Variants in ACOXL observed in about 807,000 individuals in gnomAD.
ACOXL encodes acyl-CoA oxidase like.
A neutral mutation model predicts 71.9 loss-of-function variants in ACOXL; 70 were observed. The ratio of observed to expected loss-of-function variants is 0.97; its 90% CI spans 0.80 to 1.19. The LOEUF is 1.19. Ranked by LOEUF, ACOXL falls within the 50% of genes most tolerant of loss-of-function variation. The pLI is 0.00. For synonymous variants in ACOXL, 253 were observed against 281.6 expected (o/e 0.90, Z 1.02); for missense variants, 703 against 736.3 (o/e 0.95, Z 0.52).
In ACOXL at chr2:110,769,650, TAAAAC is replaced by T. The variant is rs367968739; in HGVS notation, c.75+1216_75+1220del. Among the ~76,000 whole-genome samples the T allele has an allele frequency of 5.6e-3, 853 of 151,490 alleles. 1 individual carries two copies. The highest frequency in any genetic ancestry group is 0.031 in the Middle Eastern group (9 of 294). Reference sequence around the variant, plus strand: ...CAACATGGTGAAACACTGTTTCTACTAAAACAAAACAAAACAAAACAAAACAAAAC... The same window carrying T: ...CAACATGGTGAAACACTGTTTCTACTAAAACAAAACAAAACAAAACAAAAC... On this transcript the variant is annotated intron_variant, in intron 2 of 17. Transcript: ENST00000439055.
At position 111,092,746 on chromosome 2, in the gene ACOXL, T is replaced by A. The variant is rs987827803; in HGVS notation, c.1441-119T>A. On this transcript the variant is annotated intron_variant, in intron 16 of 17. Coordinates refer to ENST00000439055, the MANE Select transcript of ACOXL (RefSeq NM_001142807.4). Reference sequence around the variant, plus strand: ...ATGGCCATTTTACATTAGGAAAGTATTAACTTTTACGATTTTATGAAATGT... The same window carrying A: ...ATGGCCATTTTACATTAGGAAAGTAATAACTTTTACGATTTTATGAAATGT... 4.2e-6 allele frequency: 3 copies of A among 722,452 alleles called. No homozygotes were observed. The African/African-American group carries it at 5.3e-5, about 13-fold the overall frequency. 44.8% of individuals were successfully genotyped at this position (722,452 alleles called of 1,614,324 possible).
chr2:110,927,643 A>G (rs2060323705), intron 11 of ACOXL, among the ~76,000 whole-genome samples: 1 of 152,206 alleles, frequency 6.6e-6, no homozygotes, highest in South Asian at 2.1e-4. Context: ...GCCTGGGCCC[A>G]TCTTGTCATT....
chr2:110,734,931 A>G lies in ACOXL; in HGVS notation c.-23+2157A>G, dbSNP rs112271170. Among the ~76,000 whole-genome samples, 174 of 152,236 alleles carry G rather than the reference A, an allele frequency of 1.1e-3. 1 individual carries two copies. Among genetic ancestry groups the G allele is most frequent in the African/African-American group, 4.1e-3 (170 of 41,538 alleles). Reference sequence around the variant, plus strand: ...CATCTACAGAATGCAGATAATATCAATGCTGCTGTGTTATGAAGCTTGAAT... The same window carrying G: ...CATCTACAGAATGCAGATAATATCAGTGCTGCTGTGTTATGAAGCTTGAAT... On this transcript the variant is annotated intron_variant, in intron 1 of 17. Coordinates refer to ENST00000439055, the MANE Select transcript of ACOXL (RefSeq NM_001142807.4).
intron 16 of ACOXL, among the ~76,000 whole-genome samples, chr2:111,091,397 A>T (rs1409896055): frequency 6.6e-6 from 1 of 152,202 alleles, no homozygotes; most frequent in Admixed American, 6.5e-5. Context: ...AAGAACTCTT[A>T]TACTTCTAGA....
At chr2:110,931,110 C>G (rs61323984) in intron 11 of ACOXL, among the ~76,000 whole-genome samples, 6 of 152,180 alleles carry the variant, frequency 3.9e-5, no homozygotes, top group African/African-American at 1.4e-4. Flanking sequence ...TTTTGGGCCA[C>G]GATGAGTTTC....
chr2:111,092,850 TC>T lies in ACOXL; in HGVS notation c.1441-10del. ...TGCTATTTGTCCATTTCTTTTGTTT[TC>T]CCCCACCCCTTAGTTTTGTCTGTTG... On this transcript the variant is annotated splice_polypyrimidine_tract_variant and intron_variant, in intron 16 of 17. Transcript: ENST00000439055. 6.3e-7 allele frequency: 1 copy of T among 1,596,070 alleles called. No individual in the cohort carries two copies. The highest frequency in any genetic ancestry group is 8.6e-7 in the Non-Finnish European group (1 of 1,165,250).
At chr2:110,772,655 G>C (rs1376089778) in intron 2 of ACOXL, among the ~76,000 whole-genome samples, 2 of 151,990 alleles carry the variant, frequency 1.3e-5, no homozygotes, top group Non-Finnish European at 2.9e-5. Flanking sequence ...CTCACCCAGA[G>C]CTCTGGTTTT....
intron 9 of ACOXL, among the ~76,000 whole-genome samples, chr2:110,826,845 C>T (rs1436721092): frequency 6.7e-6 from 1 of 149,040 alleles, no homozygotes; most frequent in Non-Finnish European, 1.5e-5. Flanking sequence ...GTGCATAGTC[C>T]TTTTAGTGTA....
intron 1 of ACOXL, among the ~76,000 whole-genome samples, chr2:110,749,114 T>C (rs1678597559): frequency 6.6e-6 from 1 of 152,216 alleles, no homozygotes; most frequent in Admixed American, 6.5e-5. Flanking sequence ...TCCCTGGTCA[T>C]GATGGCATTC....
intron 16 of ACOXL, among the ~76,000 whole-genome samples, chr2:111,072,484 C>T (rs1031322229): frequency 6.6e-6 from 1 of 152,174 alleles, no homozygotes; most frequent in Non-Finnish European, 1.5e-5. Context: ...TTTTTCCATT[C>T]ACCCTTTGAA....
At chr2:110,859,307 C>T (rs1047246385) in intron 10 of ACOXL, among the ~76,000 whole-genome samples, 3 of 152,118 alleles carry the variant, frequency 2.0e-5, no homozygotes, top group Admixed American at 6.5e-5. Flanking sequence ...CTAGAGTGTG[C>T]GAGTGGTGGC....
At chr2:110,985,916 A>G (rs1048606669) in intron 12 of ACOXL, among the ~76,000 whole-genome samples, 1 of 152,192 alleles carries the variant, frequency 6.6e-6, no homozygotes. Flanking sequence ...AATGCCTTGA[A>G]AGTTTTCAGC....
intron 16 of ACOXL, among the ~76,000 whole-genome samples, chr2:111,083,187 A>T (rs1429597873): frequency 1.3e-5 from 2 of 152,022 alleles, no homozygotes; most frequent in Non-Finnish European, 2.9e-5. Context: ...TATAATAATT[A>T]AAAAAAAGAA....
chr2:110,907,794 A>G (rs1013356128), intron 10 of ACOXL, among the ~76,000 whole-genome samples: 1 of 152,224 alleles, frequency 6.6e-6, no homozygotes, highest in Admixed American at 6.5e-5. Context: ...TTCAATTACA[A>G]ATAAACACAA....
At chr2:111,083,607 G>C (rs1265684872) in intron 16 of ACOXL, among the ~76,000 whole-genome samples, 2 of 150,444 alleles carry the variant, frequency 1.3e-5, no homozygotes, top group Non-Finnish European at 3.0e-5. Flanking sequence ...GCATTCATAT[G>C]ACTGACCTCA....
intron 11 of ACOXL, among the ~76,000 whole-genome samples, chr2:110,927,938 G>A (rs570581751): frequency 2.6e-5 from 4 of 152,268 alleles, no homozygotes; most frequent in African/African-American, 4.8e-5. Flanking sequence ...CATCTAGTGG[G>A]ATTTGCTACA....
intron 12 of ACOXL, among the ~76,000 whole-genome samples, chr2:110,951,115 G>C (rs1312116815): frequency 6.6e-6 from 1 of 152,210 alleles, no homozygotes. Context: ...TCTGGTTAGG[G>C]AATGGGGTCA....
chr2:111,104,155 A>G (rs1042197115), intron 17 of ACOXL, among the ~76,000 whole-genome samples: 2 of 152,206 alleles, frequency 1.3e-5, no homozygotes, highest in Admixed American at 6.5e-5. Context: ...GCACATATCA[A>G]TGGTCTCTTC....
intron 10 of ACOXL, among the ~76,000 whole-genome samples, chr2:110,849,195 G>C (rs557604850): frequency 6.6e-6 from 1 of 152,300 alleles, no homozygotes; most frequent in South Asian, 2.1e-4. Context: ...GGTGGGAAAG[G>C]CAGGCGGCAT....
Sources: allele counts gnomAD v4.1 joint callset (sites outside exome capture counted in the v4.1 genomes callset), GRCh38; gene constraint gnomAD v4.1.1; transcripts MANE v1.5; gene names NCBI Gene and HGNC (gene_info 2026-07-23, HGNC 2026-07-21).